Variants in GLT6D1 observed in about 807,000 individuals in gnomAD.
The protein encoded by GLT6D1 is glycosyltransferase 6 domain containing 1.
A neutral mutation model predicts 12.3 loss-of-function variants in GLT6D1; 9 were observed. The observed-to-expected ratio is 0.73, with a 90% CI of 0.44 to 1.27. The LOEUF (loss-of-function observed/expected upper bound fraction) is 1.27, where lower values mean the gene tolerates loss of function less well. Among genes scored for constraint, GLT6D1 ranks in the 50% most tolerant of loss-of-function variants. GLT6D1 has a pLI of 0.00. For missense variants in GLT6D1, 335 were observed against 346.2 expected, an observed-to-expected ratio of 0.97 and a Z score of 0.26; for synonymous variants, 128 against 132.3, an observed-to-expected ratio of 0.97 and a Z score of 0.23.
chr9:135,629,429 T>C (rs1048392370), intron 3 of GLT6D1, among the ~76,000 whole-genome samples: 3 of 152,184 alleles, frequency 2.0e-5, no homozygotes, highest in African/African-American at 7.2e-5. Context: ...AATTACTTTC[T>C]GTTATTGATT....
intron 2 of GLT6D1, among the ~76,000 whole-genome samples, chr9:135,634,256 G>A (rs1395714735): frequency 2.0e-5 from 3 of 152,042 alleles, no homozygotes; most frequent in Non-Finnish European, 4.4e-5. Context: ...AGACTCCCAA[G>A]TAGCTGAGAT....
At chr9:135,634,110 C>G (rs1341217078) in intron 2 of GLT6D1, among the ~76,000 whole-genome samples, 1 of 152,104 alleles carries the variant, frequency 6.6e-6, no homozygotes, top group Non-Finnish European at 1.5e-5. Context: ...ATACATGGCA[C>G]CAAAGCAGTG....
At chr9:135,631,360 AG>A (rs1475886810) in intron 3 of GLT6D1, 70 bp downstream of exon 3, 6 of 1,225,772 alleles carry the variant, frequency 4.9e-6, no homozygotes, top group Non-Finnish European at 7.3e-6. Flanking sequence ...TGACTGGGGA[AG>A]AAAAACCTGT....
chr9:135,631,568 C>G, intron 2 of GLT6D1, 90 bp from the exon 3 acceptor site: 1 of 906,766 alleles, frequency 1.1e-6, no homozygotes, highest in Non-Finnish European at 1.9e-6. Flanking sequence ...GGTGTTTCGT[C>G]AACATGCATC....
intron 3 of GLT6D1, among the ~76,000 whole-genome samples, chr9:135,629,809 T>C (rs1036252553): frequency 7.2e-5 from 11 of 152,238 alleles, no homozygotes; most frequent in African/African-American, 2.7e-4. Context: ...ATCTTATTGA[T>C]GGATTGATCC....
chr9:135,626,920 A>G (rs1833533770), intron 3 of GLT6D1, among the ~76,000 whole-genome samples: 1 of 152,206 alleles, frequency 6.6e-6, no homozygotes, highest in Non-Finnish European at 1.5e-5. Flanking sequence ...CACATGCTCA[A>G]CTCGGAAAAA....
chr9:135,630,961 C>A (rs1333237), intron 3 of GLT6D1, among the ~76,000 whole-genome samples: 114,384 of 151,392 alleles, frequency 0.76, 43,382 homozygotes, highest in East Asian at 0.95. Flanking sequence ...TGTCTCACAC[C>A]GGAAGTCATA....
chr9:135,641,094 A>C (rs944245312), upstream of GLT6D1, among the ~76,000 whole-genome samples: 3 of 152,200 alleles, frequency 2.0e-5, no homozygotes, highest in Non-Finnish European at 4.4e-5. Flanking sequence ...CCTCTTTAAA[A>C]GTCCTTTACC....
chr9:135,633,395 GC>G (rs1459800724), intron 2 of GLT6D1, among the ~76,000 whole-genome samples: 3 of 152,026 alleles, frequency 2.0e-5, no homozygotes, highest in African/African-American at 7.2e-5. Flanking sequence ...GATTACAGGT[GC>G]CCACTGCCAC....
intron 4 of GLT6D1, among the ~76,000 whole-genome samples, chr9:135,625,143 G>A (rs1833478760): frequency 1.3e-5 from 2 of 152,258 alleles, no homozygotes; most frequent in South Asian, 4.1e-4. Flanking sequence ...CAAGCGTGGA[G>A]GAGTCGGGCC....
At chr9:135,626,251 C>T (rs750190159) in intron 3 of GLT6D1, 45 bp from the exon 4 acceptor site, 5 of 1,604,334 alleles carry the variant, frequency 3.1e-6, no homozygotes, top group Non-Finnish European at 3.4e-6. Context: ...TTTACTGAGG[C>T]GCCGGCAGCA....
At chr9:135,638,478 T>C (rs1833826850) in intron 2 of GLT6D1, among the ~76,000 whole-genome samples, 1 of 152,246 alleles carries the variant, frequency 6.6e-6, no homozygotes, top group Admixed American at 6.5e-5. Flanking sequence ...AACACAAAGA[T>C]GGAAACTTGA....
intron 2 of GLT6D1, among the ~76,000 whole-genome samples, chr9:135,631,990 A>T (rs1490708363): frequency 6.6e-6 from 1 of 152,140 alleles, no homozygotes; most frequent in Non-Finnish European, 1.5e-5. Context: ...CTCCCACCTC[A>T]ACCTCCAAAG....
intron 2 of GLT6D1, among the ~76,000 whole-genome samples, chr9:135,636,490 C>T (rs543920101): frequency 6.6e-6 from 1 of 152,190 alleles, no homozygotes; most frequent in Admixed American, 6.5e-5. Context: ...GCATTGCTTC[C>T]TAGGATACCT....
chr9:135,633,951 G>A (rs562442521), intron 2 of GLT6D1, among the ~76,000 whole-genome samples: 13 of 152,174 alleles, frequency 8.5e-5, no homozygotes, highest in East Asian at 5.8e-4. Flanking sequence ...GGTAGAATCC[G>A]TGCCATGGAT....
chr9:135,624,726 T>C, intron 4 of GLT6D1, 56 bp from the exon 5 acceptor site: 2 of 92,804 alleles, frequency 2.2e-5, no homozygotes, highest in African/African-American at 1.2e-4. Context: ...TTTTCTTTCT[T>C]TTTTTTTTTT....
upstream of GLT6D1, among the ~76,000 whole-genome samples, chr9:135,640,165 C>T (rs370550667): frequency 2.4e-4 from 37 of 152,018 alleles, no homozygotes; most frequent in African/African-American, 8.5e-4. Flanking sequence ...CATGTGGTCC[C>T]GAGTGTGTGA....
At chr9:135,640,593 G>A (rs1417274361), upstream of GLT6D1, among the ~76,000 whole-genome samples, 1 of 151,888 alleles carries the variant, frequency 6.6e-6, no homozygotes, top group East Asian at 1.9e-4. Flanking sequence ...GGTGGCTCAC[G>A]CCTGTAATCC....
chr9:135,630,195 G>A (rs1833608775), intron 3 of GLT6D1, among the ~76,000 whole-genome samples: 1 of 151,870 alleles, frequency 6.6e-6, no homozygotes, highest in Non-Finnish European at 1.5e-5. Context: ...CACGAGGTCA[G>A]GAGATCGAGA....
Sources: gnomAD v4.1 joint callset for allele counts (sites outside exome capture counted in the v4.1 genomes callset) on GRCh38, gnomAD v4.1.1 for gene constraint, MANE v1.5 for transcripts, NCBI Gene and HGNC (gene_info 2026-07-23, HGNC 2026-07-21) for gene names.